Variants in LYAR observed in about 807,000 individuals in gnomAD.
LYAR encodes the protein cell growth-regulating nucleolar protein.
In LYAR, 37 loss-of-function variants were observed where a neutral mutation model predicts 45.2. That is an observed-to-expected ratio of 0.82 (90% CI 0.63 to 1.08). The LOEUF (loss-of-function observed/expected upper bound fraction) is 1.08. Among genes scored for constraint, LYAR ranks in the 50% least tolerant of loss-of-function variants. The probability of loss-of-function intolerance (pLI) is 0.00; values close to 1 mark genes in which losing one functional copy is unlikely to be tolerated. For missense variants in LYAR, 493 were observed against 451.0 expected (o/e 1.09, Z -0.84); for synonymous variants, 176 against 155.1 (o/e 1.14, Z -1.00).
chr4:4,270,547 A>T (rs1718893196), intron 8 of LYAR, among the ~76,000 whole-genome samples: 2 of 150,760 alleles, frequency 1.3e-5, no homozygotes, highest in Admixed American at 1.3e-4. Context: ...AAAAAAAAAA[A>T]ACCCACAAAA....
Position 4,274,735 on chromosome 4 carries a change from A to G in LYAR, c.464T>C (p.Leu155Pro). Reference sequence around the variant, plus strand: ...TGCATGTGGATTTGCCACTGGGTGGAGTGGCCGTTGATCCTGTTCCTTATT... The same window carrying G: ...TGCATGTGGATTTGCCACTGGGTGGGGTGGCCGTTGATCCTGTTCCTTATT... The part of the protein sequence containing the change: ...PVNKEQDQRP[L>P]HPVANPHAEI... Residue 155 changes from leucine (L) to proline (P), a missense_variant, in exon 7 of 10, where the codon CTC becomes CCC. Leu to Pro is a moderately conservative substitution (Grantham distance 98). Coordinates refer to ENST00000343470, the MANE Select transcript of LYAR (RefSeq NM_017816.3). 1.2e-6 allele frequency: 2 copies of G among 1,611,020 alleles called. No homozygotes were observed. Among genetic ancestry groups the G allele is most frequent in the South Asian group, 1.1e-5 (1 of 90,056 alleles).
intron 1 of LYAR, among the ~76,000 whole-genome samples, 167 bp from the exon 2 acceptor site, chr4:4,286,739 C>T (rs1454777855): frequency 4.0e-5 from 6 of 151,790 alleles, no homozygotes; most frequent in East Asian, 1.9e-4. Flanking sequence ...CTCCGCCTCC[C>T]GGGTTCATGC....
chr4:4,276,314 C>T (rs932882521), intron 6 of LYAR, among the ~76,000 whole-genome samples: 1 of 152,064 alleles, frequency 6.6e-6, no homozygotes, highest in Non-Finnish European at 1.5e-5. Flanking sequence ...GTAGCAAGGA[C>T]TATGTCCTCA....
chr4:4,277,681 C>A (rs1371204767), intron 6 of LYAR, among the ~76,000 whole-genome samples: 5 of 152,214 alleles, frequency 3.3e-5, no homozygotes, highest in Admixed American at 2.0e-4. Context: ...TGACATTACA[C>A]CATGGACCCG....
chr4:4,274,337 T>C (rs572213715), intron 7 of LYAR, 30 bp downstream of exon 7: 2 of 1,584,066 alleles, frequency 1.3e-6, no homozygotes, highest in Non-Finnish European at 1.7e-6. Context: ...GGTTTTCAGA[T>C]GAATCCCAGA....
chr4:4,284,659 G>A (rs915867627), intron 2 of LYAR, among the ~76,000 whole-genome samples: 5 of 152,100 alleles, frequency 3.3e-5, no homozygotes, highest in African/African-American at 9.7e-5. Flanking sequence ...AAATGCTACC[G>A]TGCTCAGGAA....
At position 4,270,088 on chromosome 4, in the gene LYAR, T is replaced by C. The variant is rs147895834; in HGVS notation, c.920-1473A>G. Reference sequence around the variant, plus strand: ...AAACTTCGCTGGGTGTGGTGGTGTGTACTCGTAGTCCTAACTACCCAGGAA... The same window carrying C: ...AAACTTCGCTGGGTGTGGTGGTGTGCACTCGTAGTCCTAACTACCCAGGAA... On this transcript the variant is annotated intron_variant, in intron 8 of 9. Transcript: ENST00000343470. Among the ~76,000 whole-genome samples the C allele has an allele frequency of 7.7e-3, 1,173 of 151,946 alleles. 21 individuals carry two copies. The highest frequency in any genetic ancestry group is 0.027 in the African/African-American group (1,129 of 41,426).
chr4:4,273,685 G>T lies in LYAR; in HGVS notation c.833-16C>A, dbSNP rs2980085. 1.3e-6 allele frequency: 2 copies of T among 1,545,512 alleles called. No individual in the cohort carries two copies. Among genetic ancestry groups the T allele is most frequent in the Non-Finnish European group, 8.9e-7 (1 of 1,123,506 alleles). ...TCTGTTTCAACTAAGTATTTGGAAA[G>T]ATTTTTTTTAAAGAAGATTTTGCAT... On this transcript the variant is annotated splice_polypyrimidine_tract_variant and intron_variant, in intron 7 of 9. Transcript: ENST00000343470.
intron 6 of LYAR, among the ~76,000 whole-genome samples, chr4:4,277,948 A>T (rs924332268): frequency 3.9e-5 from 6 of 152,234 alleles, no homozygotes; most frequent in African/African-American, 1.4e-4. Flanking sequence ...GTAAGGGATG[A>T]CAAGCTGCGT....
At chr4:4,288,401 C>G (rs1719700765) in intron 1 of LYAR, among the ~76,000 whole-genome samples, 1 of 152,120 alleles carries the variant, frequency 6.6e-6, no homozygotes, top group South Asian at 2.1e-4. Flanking sequence ...TGATAACATG[C>G]CCTTAGGTTT....
chr4:4,268,006 G>A lies in LYAR; in HGVS notation c.1023C>T (p.Tyr341=). ...KLRKKVLAQY[Y]TVTDEHHRSE... ...ATCTGTGATGCTCATCTGTCACTGTGTAGTACTGAGCTAAAACCTTCACAA... is the reference window on the plus strand; with the variant it reads ...ATCTGTGATGCTCATCTGTCACTGTATAGTACTGAGCTAAAACCTTCACAA... Residue 341 remains tyrosine, a synonymous_variant, in exon 10 of 10, where the codon TAC becomes TAT. Transcript: ENST00000343470. 1 of 1,604,348 alleles carries A rather than the reference G, an allele frequency of 6.2e-7. No homozygotes were observed. The highest frequency in any genetic ancestry group is 1.1e-5 in the South Asian group (1 of 89,434).
intron 4 of LYAR, 79 bp downstream of exon 4, chr4:4,281,704 T>A: frequency 9.6e-7 from 1 of 1,041,714 alleles, no homozygotes; most frequent in East Asian, 2.4e-5. Flanking sequence ...GGATGACACA[T>A]TTACTCTTAG....
At chr4:4,279,015 C>G (rs1298726) in intron 6 of LYAR, among the ~76,000 whole-genome samples, 1 of 152,100 alleles carries the variant, frequency 6.6e-6, no homozygotes, top group Non-Finnish European at 1.5e-5. Flanking sequence ...AATGAAGGCA[C>G]TAAGAGGTTC....
At chr4:4,275,097 T>TA (rs776830657) in intron 6 of LYAR, among the ~76,000 whole-genome samples, 5 of 152,146 alleles carry the variant, frequency 3.3e-5, no homozygotes, top group African/African-American at 7.2e-5. Context: ...GAAGAGTACT[T>TA]AGGGGTGGTA....
intron 1 of LYAR, 73 bp from the exon 2 acceptor site, chr4:4,286,645 A>AATTTTTT (rs1560098781): frequency 1.3e-5 from 1 of 79,554 alleles, no homozygotes; most frequent in Non-Finnish European, 2.3e-5. Flanking sequence ...ATTTAATTAA[A>AATTTTTT]CTTTTTTTTT....
At chr4:4,269,292 C>A (rs1460083482) in intron 8 of LYAR, among the ~76,000 whole-genome samples, 1 of 152,164 alleles carries the variant, frequency 6.6e-6, no homozygotes, top group African/African-American at 2.4e-5. Context: ...TGGCAAAGGA[C>A]CGGGAAACGG....
chr4:4,285,011 G>A (rs569613292), intron 2 of LYAR, among the ~76,000 whole-genome samples: 16 of 152,146 alleles, frequency 1.1e-4, no homozygotes, highest in African/African-American at 3.6e-4. Flanking sequence ...CCCAAGCAAC[G>A]ACCAAGGTTA....
intron 4 of LYAR, among the ~76,000 whole-genome samples, chr4:4,281,348 T>C (rs1271811228): frequency 6.6e-6 from 1 of 152,192 alleles, no homozygotes; most frequent in Non-Finnish European, 1.5e-5. Flanking sequence ...TTTTTCTTTT[T>C]TTTTGAGACG....
intron 6 of LYAR, among the ~76,000 whole-genome samples, chr4:4,275,388 T>C (rs1719137783): frequency 6.6e-6 from 1 of 152,008 alleles, no homozygotes; most frequent in Non-Finnish European, 1.5e-5. Flanking sequence ...TTATCATCAT[T>C]ATTCAGACTG....
Sources: allele counts gnomAD v4.1 joint callset (sites outside exome capture counted in the v4.1 genomes callset), GRCh38; gene constraint gnomAD v4.1.1; transcripts MANE v1.5; gene names NCBI Gene and HGNC (gene_info 2026-07-23, HGNC 2026-07-21).